The following NECTIN3 variants were observed in gnomAD, a reference collection of about 807,000 sequenced individuals.
The protein encoded by NECTIN3 is nectin-3.
In NECTIN3, 8 loss-of-function variants were observed where a neutral mutation model predicts 49.4. That is an observed-to-expected ratio of 0.16 (90% confidence interval 0.10 to 0.29). The LOEUF (loss-of-function observed/expected upper bound fraction) is 0.29. Among genes scored for constraint, NECTIN3 ranks in the 10% least tolerant of loss-of-function variants. The pLI is 1.00. For missense variants in NECTIN3, 581 were observed against 654.6 expected, an observed-to-expected ratio of 0.89 and a Z score of 1.23; for synonymous variants, 277 against 241.1, an observed-to-expected ratio of 1.15 and a Z score of -1.38.
chr3:111,177,732 G>A (rs969402592), intron 7 of NECTIN3, among the ~76,000 whole-genome samples: 1 of 152,160 alleles, frequency 6.6e-6, no homozygotes, highest in African/African-American at 2.4e-5. Context: ...AAGCAGAGAT[G>A]CCCCTTGTGA....
intron 1 of NECTIN3, among the ~76,000 whole-genome samples, chr3:111,193,905 G>T (rs2035858805): frequency 6.6e-6 from 1 of 152,172 alleles, no homozygotes; most frequent in East Asian, 1.9e-4. Flanking sequence ...GGCAAAATTT[G>T]CTTTTCATCC....
chr3:111,110,931 G>A (rs2033432593), intron 1 of NECTIN3, among the ~76,000 whole-genome samples: 1 of 152,016 alleles, frequency 6.6e-6, no homozygotes, highest in Non-Finnish European at 1.5e-5. Context: ...ATATTTGGAT[G>A]TGTTTGAACA....
chr3:111,090,123 C>A (rs1559770352), intron 1 of NECTIN3, among the ~76,000 whole-genome samples: 1 of 152,116 alleles, frequency 6.6e-6, no homozygotes, highest in African/African-American at 2.4e-5. Flanking sequence ...CTCAATCTTT[C>A]TGTGTCCTTA....
chr3:111,101,001 A>G (rs1051911776), intron 1 of NECTIN3, among the ~76,000 whole-genome samples: 1 of 152,056 alleles, frequency 6.6e-6, no homozygotes, highest in Non-Finnish European at 1.5e-5. Flanking sequence ...AACATGAGGG[A>G]GTTGGGAAGA....
intron 6 of NECTIN3, among the ~76,000 whole-genome samples, chr3:111,146,841 T>C (rs1022489719): frequency 2.6e-5 from 4 of 152,156 alleles, no homozygotes; most frequent in African/African-American, 4.8e-5. Flanking sequence ...AAAATGTTGA[T>C]TTTCTGATAG....
intron 1 of NECTIN3, among the ~76,000 whole-genome samples, chr3:111,094,989 G>A (rs2032501847): frequency 6.6e-6 from 1 of 152,038 alleles, no homozygotes; most frequent in South Asian, 2.1e-4. Flanking sequence ...TGATTGCTAT[G>A]TTAACTCATT....
intron 7 of NECTIN3, among the ~76,000 whole-genome samples, chr3:111,165,423 A>G (rs1402736657): frequency 6.6e-6 from 1 of 152,194 alleles, no homozygotes; most frequent in African/African-American, 2.4e-5. Flanking sequence ...AAAGTTGTTC[A>G]CATGACATGT....
chr3:111,173,906 T>C (rs972851376), intron 7 of NECTIN3, among the ~76,000 whole-genome samples: 5 of 152,150 alleles, frequency 3.3e-5, no homozygotes, highest in Admixed American at 6.5e-5. Context: ...TTGTTGATAG[T>C]AAAATCCTGG....
intron 3 of NECTIN3, among the ~76,000 whole-genome samples, chr3:111,121,169 A>ATT (rs559875982): frequency 1.5e-5 from 2 of 137,568 alleles, no homozygotes; most frequent in African/African-American, 5.3e-5. Flanking sequence ...CGCCTGGCTA[A>ATT]TTTTTTTTTT....
At chr3:111,132,997 A>G (rs562506538) in intron 5 of NECTIN3, among the ~76,000 whole-genome samples, 1 of 151,818 alleles carries the variant, frequency 6.6e-6, no homozygotes, top group African/African-American at 2.4e-5. Flanking sequence ...AGTGTTTACT[A>G]TATATCTCCT....
At position 111,176,845 on chromosome 3, in the gene NECTIN3, C is replaced by A. The variant is rs76396641; in HGVS notation, c.1222-15506C>A. On this transcript the variant is annotated intron_variant, in intron 7 of 8. Coordinates refer to the NECTIN3 transcript ENST00000493615. ...TTTCATTTTCTACATTTCTATTACACCCTCAGTAGGAAAAATAGATTGTTG... is the reference window on the plus strand; with the variant it reads ...TTTCATTTTCTACATTTCTATTACAACCTCAGTAGGAAAAATAGATTGTTG... 0.021 allele frequency among the ~76,000 whole-genome samples: 3,179 copies of A among 152,080 alleles called. 208 individuals are homozygous for A. The East Asian group carries it at 0.22, about 11-fold the overall frequency.
intron 5 of NECTIN3, among the ~76,000 whole-genome samples, chr3:111,127,535 G>T (rs1048474564): frequency 1.4e-4 from 19 of 140,590 alleles, no homozygotes; most frequent in Non-Finnish European, 2.1e-4. Context: ...AGCCCTTTCT[G>T]CCAGTATCAG....
At chr3:111,099,444 C>T (rs928114494) in intron 1 of NECTIN3, among the ~76,000 whole-genome samples, 1 of 152,056 alleles carries the variant, frequency 6.6e-6, no homozygotes, top group Non-Finnish European at 1.5e-5. Context: ...ACGTTCATTG[C>T]CTTGTATGTC....
rs1312683260 is a variant in NECTIN3 at position 111,135,039 on chromosome 3, T to C, written c.*824T>C. 1.0e-6 allele frequency: 1 copy of C among 981,482 alleles called. No individual in the cohort carries two copies. The highest frequency in any genetic ancestry group is 1.2e-6 in the Non-Finnish European group (1 of 826,558). The allele number at this position is 981,482 out of a possible 1,614,324, so 60.8% of individuals were successfully genotyped here. ...TTAGCAGTAGCCTTATTTTAATGCT[T>C]TATGTCCTAAACATACTAATAGAAA... On this transcript the variant is annotated 3_prime_UTR_variant, in exon 6 of 6. Coordinates refer to ENST00000485303, the MANE Select transcript of NECTIN3 (RefSeq NM_015480.3).
chr3:111,186,809 A>G (rs1042733773), intron 7 of NECTIN3, among the ~76,000 whole-genome samples: 1 of 152,212 alleles, frequency 6.6e-6, no homozygotes, highest in Admixed American at 6.5e-5. Context: ...ATAATATAGT[A>G]CATGTAAGTA....
intron 1 of NECTIN3, among the ~76,000 whole-genome samples, chr3:111,085,276 G>C (rs1016788586): frequency 6.6e-6 from 1 of 152,128 alleles, no homozygotes; most frequent in Non-Finnish European, 1.5e-5. Context: ...TGTAATACAG[G>C]GATGATGATT....
Position 111,134,606 on chromosome 3 carries a change from T to G in NECTIN3, c.*391T>G. The G allele has an allele frequency of 8.7e-6, 8 of 924,056 alleles. No individual in the cohort carries two copies. Among genetic ancestry groups the G allele is most frequent in the Non-Finnish European group, 1.0e-5 (8 of 773,936 alleles). The allele number at this position is 924,056 out of a possible 1,614,324, so 57.2% of individuals were successfully genotyped here. ...TATAATCTCAAGTATGATGTTTGTT[T>G]AACATATACCTCTCAAAATTTATCA... On this transcript the variant is annotated 3_prime_UTR_variant, in exon 6 of 6. Transcript: ENST00000485303.
chr3:111,178,224 GATAAAAT>G (rs2107530583), intron 7 of NECTIN3, among the ~76,000 whole-genome samples: 2 of 152,250 alleles, frequency 1.3e-5, no homozygotes, highest in East Asian at 3.9e-4. Flanking sequence ...TACCTTGTGG[GATAAAAT>G]ATCCAATATT....
chr3:111,152,219 T>C (rs1323737462), intron 7 of NECTIN3, among the ~76,000 whole-genome samples: 1 of 151,916 alleles, frequency 6.6e-6, no homozygotes, highest in Non-Finnish European at 1.5e-5. Context: ...CTCTTTTGTA[T>C]GTATGCAAGT....
Sources: gnomAD v4.1 joint callset for allele counts (sites outside exome capture counted in the v4.1 genomes callset) on GRCh38, gnomAD v4.1.1 for gene constraint, MANE v1.5 for transcripts, NCBI Gene and HGNC (gene_info 2026-07-23, HGNC 2026-07-21) for gene names.